The following BLTP1 variants were observed in gnomAD, a reference collection of about 807,000 sequenced individuals.
The protein encoded by BLTP1 is fragile site-associated protein.
At chr4:122,271,345 C>G in the BLTP1 span, 1 of 1,613,846 alleles carries the variant, frequency 6.2e-7, no homozygotes, top group Admixed American at 1.7e-5. Flanking sequence ...CAACACCTAC[C>G]TTCAAAACCA....
the BLTP1 span, chr4:122,346,748 A>G: frequency 6.2e-7 from 1 of 1,609,456 alleles, no homozygotes; most frequent in Non-Finnish European, 8.5e-7. Flanking sequence ...AGACCAAACT[A>G]TAAATTTGCC....
At chr4:122,243,881 A>C in the BLTP1 span, 1 of 1,598,782 alleles carries the variant, frequency 6.3e-7, no homozygotes, top group Non-Finnish European at 8.5e-7. Flanking sequence ...TGGAAAAAAA[A>C]CTCGCTGATA....
chr4:122,271,513 A>G, the BLTP1 span: 2 of 1,613,442 alleles, frequency 1.2e-6, no homozygotes, highest in East Asian at 2.2e-5. Flanking sequence ...GATCTGAAAG[A>G]AGAACATCAA....
the BLTP1 span, chr4:122,251,454 T>C: frequency 8.7e-6 from 8 of 923,542 alleles, no homozygotes; most frequent in East Asian, 9.4e-4. Context: ...AAAACATTTG[T>C]TTTTATTTAA....
At chr4:122,308,151 T>TA in the BLTP1 span, 1 of 1,613,174 alleles carries the variant, frequency 6.2e-7, no homozygotes, top group Non-Finnish European at 8.5e-7. Flanking sequence ...CTATCACAAA[T>TA]ACTGCACAGG....
chr4:122,220,016 A>G, the BLTP1 span, among the ~76,000 whole-genome samples: 5 of 152,058 alleles, frequency 3.3e-5, no homozygotes, highest in African/African-American at 1.2e-4. Context: ...GGGTCGCTCT[A>G]AGGACAACCT....
chr4:122,179,124 T>A, the BLTP1 span, among the ~76,000 whole-genome samples: 1 of 152,012 alleles, frequency 6.6e-6, no homozygotes, highest in East Asian at 1.9e-4. Context: ...ATAAAAATTT[T>A]AAAAAATGAG....
At chr4:122,272,459 TTC>T in the BLTP1 span, 1 of 1,411,992 alleles carries the variant, frequency 7.1e-7, no homozygotes, top group Non-Finnish European at 9.6e-7. Context: ...TTAGTGCTAC[TTC>T]TCTGAAGAAA....
chr4:122,284,130 G>C, the BLTP1 span, among the ~76,000 whole-genome samples: 2 of 152,052 alleles, frequency 1.3e-5, no homozygotes, highest in Non-Finnish European at 2.9e-5. Flanking sequence ...CTAAACTGTT[G>C]GTAGTCTACA....
At chr4:122,352,485 A>G in the BLTP1 span, among the ~76,000 whole-genome samples, 1 of 149,690 alleles carries the variant, frequency 6.7e-6, no homozygotes, top group Non-Finnish European at 1.5e-5. Flanking sequence ...TTAACCTCCC[A>G]AGTAGCTGGG....
At chr4:122,158,245 C>T in the BLTP1 span, among the ~76,000 whole-genome samples, 4 of 152,214 alleles carry the variant, frequency 2.6e-5, no homozygotes, top group South Asian at 8.3e-4. Flanking sequence ...AAATGAAGCC[C>T]TATAACTAAT....
chr4:122,224,784 C>G, the BLTP1 span: 1 of 1,590,194 alleles, frequency 6.3e-7, no homozygotes, highest in Non-Finnish European at 8.6e-7. Flanking sequence ...TGCATTTCCA[C>G]TGATGGCATT....
the BLTP1 span, chr4:122,170,562 T>G: frequency 3.2e-3 from 4,551 of 1,435,556 alleles, 10 homozygotes; most frequent in Non-Finnish European, 3.9e-3. Flanking sequence ...TAATGATTTC[T>G]GTTGCAATTT....
At chr4:122,217,979 G>A in the BLTP1 span, among the ~76,000 whole-genome samples, 476 of 152,096 alleles carry the variant, frequency 3.1e-3, 1 homozygote, top group Admixed American at 5.1e-3. Flanking sequence ...CATCTCCTCT[G>A]GATTTTCCAG....
At chr4:122,247,937 AAGTT>A in the BLTP1 span, 361 of 985,032 alleles carry the variant, frequency 3.7e-4, no homozygotes, top group Non-Finnish European at 4.2e-4. Context: ...AATTCAGAAA[AAGTT>A]AGATTTGCTA....
the BLTP1 span, among the ~76,000 whole-genome samples, chr4:122,321,415 CATAT>C: frequency 6.6e-6 from 1 of 151,872 alleles, no homozygotes; most frequent in African/African-American, 2.4e-5. Flanking sequence ...TGCGTGTGCA[CATAT>C]ATACACACAC....
the BLTP1 span, among the ~76,000 whole-genome samples, chr4:122,155,310 A>G: frequency 1.3e-3 from 203 of 151,644 alleles, 4 homozygotes; most frequent in African/African-American, 4.6e-3. Flanking sequence ...ATTAATGTAC[A>G]GTGGGAAGCT....
At chr4:122,335,712 C>G in the BLTP1 span, among the ~76,000 whole-genome samples, 2 of 152,096 alleles carry the variant, frequency 1.3e-5, no homozygotes, top group African/African-American at 4.8e-5. Context: ...CCAAAGCTAA[C>G]TAAGTCTTAG....
chr4:122,284,927 A>T, the BLTP1 span, among the ~76,000 whole-genome samples: 1 of 152,130 alleles, frequency 6.6e-6, no homozygotes, highest in East Asian at 1.9e-4. Context: ...GTATATGTGT[A>T]CTCCCATCTC....
Sources: allele counts gnomAD v4.1 joint callset (sites outside exome capture counted in the v4.1 genomes callset), GRCh38; gene constraint gnomAD v4.1.1; transcripts MANE v1.5; gene names NCBI Gene and HGNC (gene_info 2026-07-23, HGNC 2026-07-21).